Variants in SIK3 observed in about 807,000 individuals in gnomAD.
SIK3 encodes the protein SIK family kinase 3, also known as serine/threonine-protein kinase SIK3.
In SIK3, 28 loss-of-function variants were observed where a neutral mutation model predicts 144.2. The ratio of observed to expected loss-of-function variants is 0.19; its 90% confidence interval spans 0.14 to 0.27. SIK3 has a LOEUF of 0.27. Among genes scored for constraint, SIK3 ranks in the 10% least tolerant of loss-of-function variants. The pLI, the probability that SIK3 is intolerant of heterozygous loss-of-function variation, is 1.00. For synonymous variants in SIK3, 686 were observed against 676.3 expected, an observed-to-expected ratio of 1.01 and a Z score of -0.22; for missense variants, 1,319 against 1,776.0, an observed-to-expected ratio of 0.74 and a Z score of 4.62.
chr11:116,866,468 G>A (rs1943647327), intron 15 of SIK3, among the ~76,000 whole-genome samples: 1 of 152,084 alleles, frequency 6.6e-6, no homozygotes, highest in Non-Finnish European at 1.5e-5. Flanking sequence ...TTGAGACGGA[G>A]TCTCACTCTG....
chr11:116,961,805 C>G (rs531551078), intron 1 of SIK3, among the ~76,000 whole-genome samples: 41 of 152,220 alleles, frequency 2.7e-4, no homozygotes, highest in African/African-American at 9.9e-4. Context: ...AAAGAGATAA[C>G]AGATTGTGAG....
chr11:116,985,463 T>C (rs537431), intron 1 of SIK3, among the ~76,000 whole-genome samples: 8,624 of 152,260 alleles, frequency 0.057, 521 homozygotes, highest in African/African-American at 0.15. Flanking sequence ...ATCTTACTAG[T>C]TGAGTTTGCG....
intron 15 of SIK3, chr11:116,864,479 C>T (rs1033699614): frequency 1.3e-5 from 2 of 152,272 alleles, no homozygotes; most frequent in African/African-American, 4.8e-5. Context: ...CAGCAGCACT[C>T]ACCCAACCTC....
chr11:116,901,028 C>T (rs892433061), intron 4 of SIK3, among the ~76,000 whole-genome samples: 4 of 152,046 alleles, frequency 2.6e-5, no homozygotes, highest in African/African-American at 9.7e-5. Context: ...CCATGCCTGG[C>T]TAATTTTTGT....
intron 1 of SIK3, among the ~76,000 whole-genome samples, chr11:117,058,725 C>A (rs1452961670): frequency 1.3e-5 from 2 of 152,136 alleles, no homozygotes; most frequent in African/African-American, 4.8e-5. Flanking sequence ...GAAATGAAAT[C>A]AACTCCAAAC....
At chr11:117,086,918 C>T (rs987189365) in intron 1 of SIK3, among the ~76,000 whole-genome samples, 2 of 148,646 alleles carry the variant, frequency 1.3e-5, no homozygotes, top group Non-Finnish European at 3.0e-5. Context: ...TCACTTGAAC[C>T]GGAGAGGCAG....
intron 1 of SIK3, among the ~76,000 whole-genome samples, chr11:117,045,050 T>C (rs1051724841): frequency 1.3e-5 from 2 of 152,246 alleles, no homozygotes; most frequent in East Asian, 1.9e-4. Context: ...ACTGGTTAGA[T>C]AGATGATATT....
intron 1 of SIK3, among the ~76,000 whole-genome samples, chr11:117,082,481 G>T (rs775961491): frequency 1.3e-5 from 2 of 152,174 alleles, no homozygotes; most frequent in Non-Finnish European, 2.9e-5. Context: ...GTAAGAACAT[G>T]CATGAACCTT....
At chr11:117,023,621 A>AAATATATATATATATATATAT (rs754624841) in intron 1 of SIK3, among the ~76,000 whole-genome samples, 2 of 95,400 alleles carry the variant, frequency 2.1e-5, no homozygotes, top group Non-Finnish European at 4.2e-5. Context: ...AAAAAAAAAA[A>AAATATATATATATATATATAT]ATATATATAT....
At position 116,942,837 on chromosome 11, in the gene SIK3, A is replaced by T. The variant is rs187003287; in HGVS notation, c.454+11207T>A. ...TCTTATAGGCTATAGTAGGAATTAT[A>T]AATTTATTCCAAATAGATGGGAAAG... On this transcript the variant is annotated intron_variant, in intron 3 of 24. Coordinates refer to ENST00000445177, the MANE Select transcript of SIK3 (RefSeq NM_001366686.3). Among the ~76,000 whole-genome samples the T allele has an allele frequency of 2.8e-3, 423 of 152,362 alleles. 1 individual carries two copies. The highest frequency in any genetic ancestry group is 9.8e-3 in the African/African-American group (408 of 41,580).
At chr11:117,009,964 G>GA (rs202161251) in intron 1 of SIK3, among the ~76,000 whole-genome samples, 1 of 151,992 alleles carries the variant, frequency 6.6e-6, no homozygotes, top group Non-Finnish European at 1.5e-5. Context: ...GATGCATCTG[G>GA]AAAAAAATAT....
chr11:117,039,462 C>A (rs1160478468), intron 1 of SIK3, among the ~76,000 whole-genome samples: 1 of 152,078 alleles, frequency 6.6e-6, no homozygotes, highest in Non-Finnish European at 1.5e-5. Flanking sequence ...TCATGACAGA[C>A]TTGTTACTAA....
intron 1 of SIK3, among the ~76,000 whole-genome samples, chr11:117,007,070 A>G (rs1951074229): frequency 6.6e-6 from 1 of 152,240 alleles, no homozygotes; most frequent in South Asian, 2.1e-4. Context: ...TTACAGCAAC[A>G]GTTTTATATT....
intron 1 of SIK3, among the ~76,000 whole-genome samples, chr11:116,970,683 C>CA (rs1949736447): frequency 6.6e-6 from 1 of 151,988 alleles, no homozygotes; most frequent in African/African-American, 2.4e-5. Context: ...CAGAGTCTTG[C>CA]TCCGTTGACC....
In SIK3 at chr11:116,846,572, C is replaced by T. The variant is rs375456104; in HGVS notation, c.3953-19G>A. On this transcript the variant is annotated intron_variant, in intron 23 of 24. Transcript: ENST00000445177. This position sits in a 1 kb window ranked among gnomAD's most constrained non-coding sequence, Gnocchi z 4.1. ...CCACATTCTGCAAGACCAAAAAGAA[C>T]GTATGAGGTTGGCAGGGAACTGGGG... The T allele has an allele frequency of 9.9e-6, 16 of 1,613,784 alleles. No individual in the cohort carries two copies. The highest frequency in any genetic ancestry group is 3.3e-5 in the South Asian group (3 of 91,054).
intron 1 of SIK3, among the ~76,000 whole-genome samples, chr11:116,972,552 C>A (rs563882369): frequency 6.6e-5 from 10 of 152,158 alleles, no homozygotes; most frequent in Non-Finnish European, 1.3e-4. Context: ...AAAGTTTATT[C>A]TTTTTACTAC....
intron 6 of SIK3, among the ~76,000 whole-genome samples, chr11:116,895,927 G>A (rs1448260005): frequency 6.6e-6 from 1 of 152,124 alleles, no homozygotes; most frequent in African/African-American, 2.4e-5. Context: ...CTATGCCATG[G>A]GCCTACTGAG....
intron 4 of SIK3, among the ~76,000 whole-genome samples, chr11:116,919,411 C>T (rs1946839004): frequency 6.6e-6 from 1 of 152,142 alleles, no homozygotes. Context: ...TCTATAGTTG[C>T]ATTTCTGATC....
chr11:116,855,102 A>AAAAAAAAAAAAAAAAAAAAC (rs1168132311), intron 21 of SIK3, among the ~76,000 whole-genome samples: 2 of 144,328 alleles, frequency 1.4e-5, no homozygotes, highest in Non-Finnish European at 3.1e-5. Context: ...AAAAAAAAAA[A>AAAAAAAAAAAAAAAAAAAAC]AAAAAAACTT....
Sources: allele counts gnomAD v4.1 joint callset (sites outside exome capture counted in the v4.1 genomes callset), GRCh38; gene constraint gnomAD v4.1.1; non-coding constraint Gnocchi (gnomAD v3.1); transcripts MANE v1.5; gene names NCBI Gene and HGNC (gene_info 2026-07-23, HGNC 2026-07-21).